Variants in ENTREP2 observed in about 807,000 individuals in gnomAD.
ENTREP2 encodes the protein endosomal transmembrane epsin interactor 2.
the ENTREP2 span, among the ~76,000 whole-genome samples, chr15:29,488,852 AAGG>A: frequency 6.6e-6 from 1 of 152,228 alleles, no homozygotes; most frequent in African/African-American, 2.4e-5. Flanking sequence ...TTGAAAAATG[AAGG>A]AGAAATTTAC....
the ENTREP2 span, among the ~76,000 whole-genome samples, chr15:29,659,386 G>T: frequency 3.3e-5 from 5 of 152,166 alleles, no homozygotes; most frequent in African/African-American, 1.2e-4. Context: ...CGGAAGAGTT[G>T]CTTGAATCCG....
chr15:29,644,645 T>C, the ENTREP2 span, among the ~76,000 whole-genome samples: 1 of 150,598 alleles, frequency 6.6e-6, no homozygotes, highest in Non-Finnish European at 1.5e-5. Flanking sequence ...TCTACTAACA[T>C]ACAAAAAATT....
chr15:29,532,717 T>C, the ENTREP2 span, among the ~76,000 whole-genome samples: 2 of 152,310 alleles, frequency 1.3e-5, no homozygotes, highest in Admixed American at 1.3e-4. Flanking sequence ...CAAATGTGGA[T>C]TTATCTGATT....
At chr15:29,339,215 T>C in the ENTREP2 span, among the ~76,000 whole-genome samples, 121,090 of 152,266 alleles carry the variant, frequency 0.8, 48,298 homozygotes, top group Middle Eastern at 0.83. Flanking sequence ...CATTCGGCTT[T>C]GATGCCATGG....
At chr15:29,410,910 C>A in the ENTREP2 span, among the ~76,000 whole-genome samples, 2 of 152,116 alleles carry the variant, frequency 1.3e-5, no homozygotes, top group Non-Finnish European at 2.9e-5. Context: ...CTCAGCCTCC[C>A]GAGTAGCTGG....
chr15:29,390,726 T>G, the ENTREP2 span, among the ~76,000 whole-genome samples: 1 of 152,214 alleles, frequency 6.6e-6, no homozygotes, highest in African/African-American at 2.4e-5. Context: ...TTAAATCTTG[T>G]CCTCTAACAC....
the ENTREP2 span, among the ~76,000 whole-genome samples, chr15:29,130,701 CCTAT>C: frequency 6.6e-6 from 1 of 152,146 alleles, no homozygotes; most frequent in Non-Finnish European, 1.5e-5. Context: ...CTCCTGGGAG[CCTAT>C]CTATCACCTC....
chr15:29,670,733 A>T, the ENTREP2 span, among the ~76,000 whole-genome samples: 1 of 152,220 alleles, frequency 6.6e-6, no homozygotes, highest in African/African-American at 2.4e-5. Context: ...GAGGGGTCCC[A>T]GTACCCTAGG....
chr15:29,165,175 G>A, the ENTREP2 span, among the ~76,000 whole-genome samples: 26 of 152,144 alleles, frequency 1.7e-4, no homozygotes, highest in Non-Finnish European at 3.7e-4. Flanking sequence ...AGCAGAGGTG[G>A]TGCCAAGAGG....
chr15:29,368,218 A>G, the ENTREP2 span, among the ~76,000 whole-genome samples: 21 of 151,946 alleles, frequency 1.4e-4, no homozygotes, highest in Non-Finnish European at 2.2e-4. Flanking sequence ...CCAGCTACTC[A>G]GGAGGCTGAG....
chr15:29,147,578 G>A, the ENTREP2 span, among the ~76,000 whole-genome samples: 2 of 152,108 alleles, frequency 1.3e-5, no homozygotes, highest in Non-Finnish European at 2.9e-5. Flanking sequence ...TGGCGTGGAT[G>A]TGAAGAAACT....
the ENTREP2 span, among the ~76,000 whole-genome samples, chr15:29,349,766 C>T: frequency 3.3e-5 from 5 of 152,176 alleles, no homozygotes; most frequent in East Asian, 3.9e-4. Context: ...GGCGTGGAGG[C>T]GCGTACCTGT....
chr15:29,527,798 C>T, the ENTREP2 span, among the ~76,000 whole-genome samples: 1 of 152,218 alleles, frequency 6.6e-6, no homozygotes, highest in African/African-American at 2.4e-5. Context: ...AGGAAATTCA[C>T]CCCAGGGTCC....
At chr15:29,232,801 C>T in the ENTREP2 span, among the ~76,000 whole-genome samples, 9 of 152,188 alleles carry the variant, frequency 5.9e-5, no homozygotes, top group Non-Finnish European at 1.0e-4. Flanking sequence ...TGTGCCACCA[C>T]GTCCAGCTAT....
At chr15:29,355,948 TA>T in the ENTREP2 span, among the ~76,000 whole-genome samples, 136 of 152,148 alleles carry the variant, frequency 8.9e-4, no homozygotes, top group Non-Finnish European at 1.6e-3. Context: ...ATGCACAGAA[TA>T]AAAAATGCTA....
chr15:29,455,809 G>T, the ENTREP2 span, among the ~76,000 whole-genome samples: 1 of 152,180 alleles, frequency 6.6e-6, no homozygotes, highest in Non-Finnish European at 1.5e-5. Flanking sequence ...CCTCCTGTCA[G>T]ATCAGCAGCA....
chr15:29,274,510 T>C, the ENTREP2 span, among the ~76,000 whole-genome samples: 1 of 152,104 alleles, frequency 6.6e-6, no homozygotes, highest in African/African-American at 2.4e-5. Context: ...CTGACACTCC[T>C]CCCGGTTTAA....
chr15:29,206,802 T>C, the ENTREP2 span, among the ~76,000 whole-genome samples: 1 of 152,150 alleles, frequency 6.6e-6, no homozygotes, highest in Non-Finnish European at 1.5e-5. Context: ...ATACGTGAAT[T>C]ATATCACAAT....
chr15:29,337,378 G>A, the ENTREP2 span, among the ~76,000 whole-genome samples: 1 of 152,212 alleles, frequency 6.6e-6, no homozygotes, highest in Non-Finnish European at 1.5e-5. Context: ...AGAGCTGGGA[G>A]GGAAGCGGAG....
Sources: allele counts gnomAD v4.1 joint callset (sites outside exome capture counted in the v4.1 genomes callset), GRCh38; gene constraint gnomAD v4.1.1; transcripts MANE v1.5; gene names NCBI Gene and HGNC (gene_info 2026-07-23, HGNC 2026-07-21).